The following WDTC1 variants were observed in gnomAD, a reference collection of about 807,000 sequenced individuals.
WDTC1 encodes WD and tetratricopeptide repeats 1, also known as WD and tetratricopeptide repeats protein 1.
WDTC1 carries 12 observed loss-of-function variants against 76.0 expected under a neutral mutation model. The ratio of observed to expected loss-of-function variants is 0.16; its 90% confidence interval spans 0.10 to 0.26. The LOEUF (loss-of-function observed/expected upper bound fraction) is 0.26, where lower values mean the gene tolerates loss of function less well. WDTC1 is among the 10% of genes least tolerant of loss of function. The pLI is 1.00. For synonymous variants in WDTC1, 326 were observed against 350.8 expected (o/e 0.93, Z 0.79); for missense variants, 511 against 908.8 (o/e 0.56, Z 5.63).
At position 27,303,733 on chromosome 1, in the gene WDTC1, G is replaced by A; in HGVS notation, c.1581G>A (p.Gln527=). ...MVLRERSYDY[Q]FRYCGHCNTT... is the part of the protein sequence containing the mutation. ...TGCGGGAGCGAAGCTACGACTATCAGTTCCGCTACTGCGGCCACTGCAACA... is the reference window on the plus strand; with the variant it reads ...TGCGGGAGCGAAGCTACGACTATCAATTCCGCTACTGCGGCCACTGCAACA... The change falls in exon 14 of 16, where the codon CAG becomes CAA. Residue 527 remains glutamine (Q), a synonymous_variant. Transcript: ENST00000319394. The surrounding 1 kb of genome is among the most constrained non-coding windows in gnomAD (Gnocchi z 4.8). 1 of 1,614,136 alleles carries A rather than the reference G, an allele frequency of 6.2e-7. No homozygotes were observed. Among genetic ancestry groups the A allele is most frequent in the Non-Finnish European group, 8.5e-7 (1 of 1,179,996 alleles).
intron 1 of WDTC1, among the ~76,000 whole-genome samples, chr1:27,235,718 C>A (rs1416440909): frequency 6.6e-6 from 1 of 151,966 alleles, no homozygotes; most frequent in African/African-American, 2.4e-5. Context: ...GGTGTACTCC[C>A]AGGGTTTCTA....
At chr1:27,244,020 G>A (rs1056929472) in intron 1 of WDTC1, among the ~76,000 whole-genome samples, 14 of 151,478 alleles carry the variant, frequency 9.2e-5, no homozygotes, top group Non-Finnish European at 1.8e-4. Context: ...GTGCATGCCC[G>A]TGGTCCCAAC....
intron 4 of WDTC1, among the ~76,000 whole-genome samples, chr1:27,283,083 A>G (rs2013235153): frequency 6.6e-6 from 1 of 151,144 alleles, no homozygotes; most frequent in African/African-American, 2.4e-5. Flanking sequence ...GCTTGCAGTG[A>G]GCCGAGATCG....
intron 1 of WDTC1, among the ~76,000 whole-genome samples, chr1:27,248,577 T>G (rs911569777): frequency 1.3e-5 from 2 of 152,242 alleles, no homozygotes; most frequent in Non-Finnish European, 2.9e-5. Flanking sequence ...TTGCAAGTAT[T>G]TTCTCCCATC....
At chr1:27,234,591 G>T (rs891018625), upstream of WDTC1, 9 of 391,316 alleles carry the variant, frequency 2.3e-5, no homozygotes, top group East Asian at 2.9e-4. Context: ...GCTGCGAGGC[G>T]CAGGGCGGAG....
chr1:27,268,222 C>T (rs2147940954), intron 3 of WDTC1, among the ~76,000 whole-genome samples: 1 of 152,196 alleles, frequency 6.6e-6, no homozygotes, highest in South Asian at 2.1e-4. Context: ...AGGTGGATCA[C>T]TTGAGCTCAG....
At chr1:27,257,127 G>A (rs928624465) in intron 1 of WDTC1, among the ~76,000 whole-genome samples, 11 of 152,128 alleles carry the variant, frequency 7.2e-5, no homozygotes, top group African/African-American at 9.7e-5. Context: ...CTCCCAAAGC[G>A]CTGGGATTAC....
chr1:27,234,468 G>A (rs982982068), upstream of WDTC1: 1 of 291,454 alleles, frequency 3.4e-6, no homozygotes, highest in Non-Finnish European at 6.4e-6. Context: ...CCCACTAGCA[G>A]GTTAGTGGGC....
intron 12 of WDTC1, among the ~76,000 whole-genome samples, chr1:27,298,397 G>GC (rs1179587720): frequency 1.3e-5 from 2 of 152,228 alleles, no homozygotes; most frequent in African/African-American, 4.8e-5. Flanking sequence ...AAGTGCTGTG[G>GC]CCCCTGGGGA....
chr1:27,261,988 G>T (rs1300531425), intron 2 of WDTC1, among the ~76,000 whole-genome samples: 3 of 151,688 alleles, frequency 2.0e-5, no homozygotes, highest in Non-Finnish European at 4.4e-5. Context: ...GGAGTGCAGT[G>T]GTGTGATCTC....
At chr1:27,278,074 C>T (rs546762578) in intron 3 of WDTC1, among the ~76,000 whole-genome samples, 4 of 152,140 alleles carry the variant, frequency 2.6e-5, no homozygotes, top group Admixed American at 2.0e-4. Context: ...AACCCCTGAC[C>T]TCAAATGATC....
At chr1:27,245,742 G>A (rs780936672) in intron 1 of WDTC1, among the ~76,000 whole-genome samples, 2 of 151,300 alleles carry the variant, frequency 1.3e-5, no homozygotes, top group South Asian at 2.1e-4. Flanking sequence ...GCTAATTTCT[G>A]TATTTTTAGT....
intron 12 of WDTC1, among the ~76,000 whole-genome samples, chr1:27,300,443 C>T (rs2013802528): frequency 6.6e-6 from 1 of 152,066 alleles, no homozygotes; most frequent in Non-Finnish European, 1.5e-5. Flanking sequence ...TATATTCTGG[C>T]ACAGGGTGGG....
chr1:27,261,397 GT>G (rs1484576990), intron 2 of WDTC1, among the ~76,000 whole-genome samples: 1 of 152,176 alleles, frequency 6.6e-6, no homozygotes, highest in Non-Finnish European at 1.5e-5. Context: ...ACATCCTTGT[GT>G]TGGGCAGGTG....
rs552014918 is a variant in WDTC1 at position 27,278,876 on chromosome 1, A to G, written c.133-3363A>G. Among the ~76,000 whole-genome samples the G allele has an allele frequency of 7.2e-5, 11 of 152,164 alleles. No individual in the cohort carries two copies. In the East Asian group the frequency reaches 2.1e-3, roughly 30 times the overall value. The stretch of plus-strand genomic sequence containing the variant: ...CCCAGCACTTTGGGAGGCCAAGGCC[A>G]ACATGGCAAAACCCCGTCTCAACTA... On this transcript the variant is annotated intron_variant, in intron 3 of 15. Transcript: ENST00000319394.
intron 3 of WDTC1, among the ~76,000 whole-genome samples, chr1:27,278,061 T>C (rs2013083089): frequency 6.6e-6 from 1 of 152,186 alleles, no homozygotes; most frequent in African/African-American, 2.4e-5. Context: ...CAGGCTGGTC[T>C]CAAACCCCTG....
In WDTC1 at chr1:27,258,535, A is replaced by AAAG. The variant is rs1418389077; in HGVS notation, c.-99-2419_-99-2418insGAA. 4.0e-5 allele frequency among the ~76,000 whole-genome samples: 6 copies of AAAG among 151,290 alleles called. 1 individual carries two copies. In the South Asian group the frequency reaches 6.3e-4, roughly 16 times the overall value. On this transcript the variant is annotated intron_variant, in intron 1 of 15. Transcript: ENST00000319394. Reference sequence around the variant, plus strand: ...CAACAGAACAAGACTCTGCCAAAAAAAAAAAAGAAAAAAAAAGAAAAGAAA... The same window carrying AAAG: ...CAACAGAACAAGACTCTGCCAAAAAAAAGAAAAAAGAAAAAAAAAGAAAAGAAA...
In WDTC1 at chr1:27,298,899, C is replaced by T. The variant is rs565238704; in HGVS notation, c.1232+788C>T. On this transcript the variant is annotated intron_variant, in intron 12 of 15. Coordinates refer to ENST00000319394, the MANE Select transcript of WDTC1 (RefSeq NM_001276252.2). The stretch of plus-strand genomic sequence containing the variant: ...CATCGTCTGGCTGCAACTCGGCAGG[C>T]CAGAGAGGGAAACTTAAGAAACCCA... Among the ~76,000 whole-genome samples, 16 of 152,248 alleles carry T rather than the reference C, an allele frequency of 1.1e-4. No individual in the cohort carries two copies. In the East Asian group the frequency reaches 3.1e-3, roughly 29 times the overall value.
intron 10 of WDTC1, among the ~76,000 whole-genome samples, chr1:27,296,654 C>T (rs2013694504): frequency 6.6e-6 from 1 of 152,134 alleles, no homozygotes; most frequent in Admixed American, 6.5e-5. Flanking sequence ...CTCTTGAGAA[C>T]CTGAAATAGT....
Sources: gnomAD v4.1 joint callset for allele counts (sites outside exome capture counted in the v4.1 genomes callset) on GRCh38, gnomAD v4.1.1 for gene constraint, Gnocchi (gnomAD v3.1) non-coding constraint, MANE v1.5 for transcripts, NCBI Gene and HGNC (gene_info 2026-07-23, HGNC 2026-07-21) for gene names.